Variants in EML6 observed in about 807,000 individuals in gnomAD.
EML6 encodes echinoderm microtubule-associated protein-like 6.
Under a neutral mutation model 240.1 loss-of-function variants are expected in EML6, and 154 were observed. That is an observed-to-expected ratio of 0.64 (90% CI 0.56 to 0.73). EML6 has a LOEUF of 0.73. EML6 is among the 30% of genes least tolerant of loss of function. The pLI, the probability that EML6 is intolerant of heterozygous loss-of-function variation, is 0.00. For synonymous variants in EML6, 1,148 were observed against 899.0 expected (o/e 1.28, Z -4.95); for missense variants, 2,964 against 2,474.6 (o/e 1.20, Z -4.20).
In EML6 at chr2:54,928,680, T is replaced by A. The variant is rs1297884420; in HGVS notation, c.3933T>A (p.Tyr1311Ter). 1.3e-6 allele frequency: 2 copies of A among 1,551,808 alleles called. No homozygotes were observed. Among genetic ancestry groups the A allele is most frequent in the Non-Finnish European group, 1.7e-6 (2 of 1,147,042 alleles). ...CCATTGACTACACCACCAAGATTTA[T>A]GCTGTGAGCATCAGGGAAATGGAAG... Reference protein sequence around the residue: ...EKAIDYTTKIYAVSIREMEGT... With the variant: ...EKAIDYTTKI The change falls in exon 28 of 42, where the codon TAT becomes TAA. Residue 1311 changes from tyrosine to a stop codon, truncating the protein, a stop_gained. Transcript: ENST00000356458. LOFTEE classifies it high-confidence loss of function.
chr2:54,961,735 G>C (rs1676525185), intron 35 of EML6, among the ~76,000 whole-genome samples: 2 of 151,260 alleles, frequency 1.3e-5, no homozygotes, highest in African/African-American at 4.9e-5. Flanking sequence ...AGGCATGGTG[G>C]CTCACACCTG....
At chr2:54,944,723 T>C (rs1343534056) in intron 28 of EML6, among the ~76,000 whole-genome samples, 1 of 152,116 alleles carries the variant, frequency 6.6e-6, no homozygotes, top group Non-Finnish European at 1.5e-5. Context: ...CAGGACATCC[T>C]GCAGTTCTTC....
intron 2 of EML6, among the ~76,000 whole-genome samples, chr2:54,797,389 G>A (rs529227194): frequency 2.4e-4 from 36 of 152,164 alleles, no homozygotes; most frequent in African/African-American, 8.7e-4. Context: ...ACCTAACCAT[G>A]TCTTCTAGTA....
At chr2:54,919,408 T>C (rs1041223643) in intron 26 of EML6, among the ~76,000 whole-genome samples, 2 of 152,200 alleles carry the variant, frequency 1.3e-5, no homozygotes, top group African/African-American at 4.8e-5. Context: ...ATGGCCACTT[T>C]GGTTACTTTG....
rs1384960009 is a variant in EML6 at position 54,907,929 on chromosome 2, TAGATAGATAGATAGATAAGA to T, written c.3410-3024_3410-3005del. 9.7e-3 allele frequency among the ~76,000 whole-genome samples: 448 copies of T among 46,384 alleles called. 5 individuals are homozygous for T. The highest frequency in any genetic ancestry group is 0.037 in the Middle Eastern group (3 of 80). 30.4% of individuals were successfully genotyped at this position (46,384 alleles called of 152,430 possible). A position where few individuals can be genotyped will look rare whatever the true frequency, so the allele number is the denominator to read the frequency against. Reference sequence around the variant, plus strand: ...ATAGATAGATAGATAGATAGATAGATAGATAGATAGATAGATAAGATAGATAGATAGATAGATAGATAGAT... The same window carrying T: ...ATAGATAGATAGATAGATAGATAGATTAGATAGATAGATAGATAGATAGAT... On this transcript the variant is annotated intron_variant, in intron 24 of 41. Transcript: ENST00000356458.
intron 8 of EML6, among the ~76,000 whole-genome samples, chr2:54,845,743 C>T (rs1181004942): frequency 6.6e-6 from 1 of 152,152 alleles, no homozygotes; most frequent in African/African-American, 2.4e-5. Context: ...ACAGTACAGG[C>T]TGCCTAAGGG....
chr2:54,931,593 G>A (rs1179231198), intron 28 of EML6, among the ~76,000 whole-genome samples: 1 of 152,190 alleles, frequency 6.6e-6, no homozygotes, highest in Non-Finnish European at 1.5e-5. Flanking sequence ...AGATTTGAGA[G>A]GCAGGGGTTT....
intron 15 of EML6, among the ~76,000 whole-genome samples, chr2:54,871,289 T>G (rs771626586): frequency 1.5e-4 from 23 of 152,344 alleles, no homozygotes; most frequent in Non-Finnish European, 3.2e-4. Flanking sequence ...CTGTTGGAAC[T>G]CTACCTGATT....
In EML6 at chr2:54,855,647, T is replaced by C. The variant is rs1331468420; in HGVS notation, c.1657+1792T>C. Reference sequence around the variant, plus strand: ...GAATGAGGAGAGATGGACAGCCAGATGACAGTATGGTGAGAAGTAGCAAAA... The same window carrying C: ...GAATGAGGAGAGATGGACAGCCAGACGACAGTATGGTGAGAAGTAGCAAAA... On this transcript the variant is annotated intron_variant, in intron 11 of 41. Transcript: ENST00000356458. Among the ~76,000 whole-genome samples, 4 of 152,160 alleles carry C rather than the reference T, an allele frequency of 2.6e-5. No homozygotes were observed. In the South Asian group the frequency reaches 6.2e-4, roughly 24 times the overall value.
intron 2 of EML6, among the ~76,000 whole-genome samples, chr2:54,772,125 A>T (rs1230947138): frequency 6.6e-6 from 1 of 152,238 alleles, no homozygotes; most frequent in Non-Finnish European, 1.5e-5. Context: ...GCATTTATTA[A>T]ATTGTTGCAA....
intron 2 of EML6, among the ~76,000 whole-genome samples, chr2:54,797,070 C>A (rs1669825532): frequency 6.9e-6 from 1 of 144,896 alleles, no homozygotes; most frequent in South Asian, 2.2e-4. Context: ...GAGGCTGAGG[C>A]AGGAGAATGG....
At chr2:54,777,624 A>T (rs1033761804) in intron 2 of EML6, among the ~76,000 whole-genome samples, 2 of 152,078 alleles carry the variant, frequency 1.3e-5, no homozygotes, top group African/African-American at 4.8e-5. Context: ...GTCATTGGCC[A>T]TGTGGGAGAG....
chr2:54,767,955 C>T (rs1481328160), intron 2 of EML6, among the ~76,000 whole-genome samples: 1 of 152,070 alleles, frequency 6.6e-6, no homozygotes, highest in Non-Finnish European at 1.5e-5. Flanking sequence ...TTGAATTTCA[C>T]CTGCAAACAT....
intron 3 of EML6, among the ~76,000 whole-genome samples, chr2:54,814,606 T>C (rs979961027): frequency 6.6e-6 from 1 of 152,134 alleles, no homozygotes; most frequent in African/African-American, 2.4e-5. Flanking sequence ...AGTTTCAGAG[T>C]TAATTCTGTA....
chr2:54,801,235 A>G (rs1448239718), intron 2 of EML6, among the ~76,000 whole-genome samples: 1 of 151,732 alleles, frequency 6.6e-6, no homozygotes, highest in African/African-American at 2.4e-5. Flanking sequence ...CAGGAGAGTG[A>G]ATCCGGGAGG....
chr2:54,968,178 C>G lies in EML6; in HGVS notation c.5648C>G (p.Ala1883Gly), dbSNP rs1221737011. The G allele has an allele frequency of 6.4e-7, 1 of 1,551,670 alleles. No homozygotes were observed. Among genetic ancestry groups the G allele is most frequent in the Non-Finnish European group, 8.7e-7 (1 of 1,146,990 alleles). Reference sequence around the variant, plus strand: ...ATCTGGCCACGAAATGCAGACAAGGCTGATGTCAACTGCGCATGTGTGACC... The same window carrying G: ...ATCTGGCCACGAAATGCAGACAAGGGTGATGTCAACTGCGCATGTGTGACC... The part of the protein sequence containing the change: ...IGIWPRNADK[A>G]DVNCACVTHA... Residue 1883 changes from alanine (A) to glycine (G), a missense_variant, in exon 40 of 42, where the codon GCT (alanine) becomes GGT (glycine). By Grantham distance (60) the Ala-to-Gly change is moderately conservative. Coordinates refer to ENST00000356458, the MANE Select transcript of EML6 (RefSeq NM_001039753.4).
chr2:54,816,958 C>G (rs750264327), intron 4 of EML6, 73 bp downstream of exon 4: 26 of 899,650 alleles, frequency 2.9e-5, no homozygotes, highest in African/African-American at 6.6e-5. Context: ...TCTCAGACTT[C>G]TAATGTTTTT....
intron 12 of EML6, among the ~76,000 whole-genome samples, chr2:54,863,431 G>A (rs1485711499): frequency 2.0e-5 from 3 of 152,180 alleles, no homozygotes; most frequent in South Asian, 4.1e-4. Context: ...TGAGGTGGGA[G>A]GATTGCTTGA....
chr2:54,728,590 G>A (rs1156550960), intron 2 of EML6, among the ~76,000 whole-genome samples: 1 of 152,190 alleles, frequency 6.6e-6, no homozygotes, highest in Admixed American at 6.5e-5. Context: ...TCAGGGCCTT[G>A]TTTATTTGTG....
Sources: allele counts gnomAD v4.1 joint callset (sites outside exome capture counted in the v4.1 genomes callset), GRCh38; gene constraint gnomAD v4.1.1; transcripts MANE v1.5; gene names NCBI Gene and HGNC (gene_info 2026-07-23, HGNC 2026-07-21).